Variants in TOX observed in about 807,000 individuals in gnomAD.
TOX encodes the protein thymocyte selection associated high mobility group box, also known as thymocyte selection-associated high mobility group box protein TOX.
A neutral mutation model predicts 53.7 loss-of-function variants in TOX; 11 were observed. The observed-to-expected ratio is 0.20, with a 90% confidence interval of 0.13 to 0.34. TOX has a LOEUF of 0.34. Among genes scored for constraint, TOX ranks in the 10% least tolerant of loss-of-function variants. The pLI, the probability that TOX is intolerant of heterozygous loss-of-function variation, is 1.00. For missense variants in TOX, 570 were observed against 664.6 expected (o/e 0.86, Z 1.56); for synonymous variants, 225 against 245.3 (o/e 0.92, Z 0.77).
intron 3 of TOX, among the ~76,000 whole-genome samples, chr8:58,881,697 T>C (rs1255009051): frequency 7.2e-6 from 1 of 138,312 alleles, no homozygotes; most frequent in African/African-American, 2.8e-5. Flanking sequence ...GCACTCCAGT[T>C]TGGGAGACAG....
At chr8:59,011,381 A>G (rs2129418736) in intron 1 of TOX, among the ~76,000 whole-genome samples, 1 of 152,344 alleles carries the variant, frequency 6.6e-6, no homozygotes, top group East Asian at 1.9e-4. Flanking sequence ...AAGGCTGCAG[A>G]AACCAGCATG....
At chr8:58,902,872 G>C (rs535022572) in intron 3 of TOX, among the ~76,000 whole-genome samples, 5 of 152,132 alleles carry the variant, frequency 3.3e-5, no homozygotes, top group African/African-American at 1.2e-4. Flanking sequence ...ATTCTACTCA[G>C]TATCTACTTG....
intron 1 of TOX, among the ~76,000 whole-genome samples, chr8:59,058,318 A>G (rs1674592728): frequency 6.6e-6 from 1 of 152,160 alleles, no homozygotes; most frequent in Non-Finnish European, 1.5e-5. Flanking sequence ...GGAAAGAACT[A>G]CGTATATATT....
intron 2 of TOX, among the ~76,000 whole-genome samples, chr8:58,945,229 A>G (rs2129177055): frequency 6.6e-6 from 1 of 152,326 alleles, no homozygotes; most frequent in Non-Finnish European, 1.5e-5. Flanking sequence ...CACTGTCTAA[A>G]TTTGTACAAA....
chr8:58,968,999 T>A (rs1812953356), intron 1 of TOX, among the ~76,000 whole-genome samples: 1 of 152,242 alleles, frequency 6.6e-6, no homozygotes, highest in Admixed American at 6.5e-5. Flanking sequence ...AAAAATAAAA[T>A]ACAAATAAGA....
At chr8:58,852,310 A>G (rs1308368319) in intron 3 of TOX, among the ~76,000 whole-genome samples, 1 of 152,228 alleles carries the variant, frequency 6.6e-6, no homozygotes, top group Non-Finnish European at 1.5e-5. Context: ...TCTTGTACTC[A>G]GTTTAAAGCT....
chr8:58,964,522 G>A (rs766712792), intron 1 of TOX, among the ~76,000 whole-genome samples: 1 of 152,114 alleles, frequency 6.6e-6, no homozygotes, highest in Non-Finnish European at 1.5e-5. Flanking sequence ...GCCTCCTGCT[G>A]ACCCAACAAT....
chr8:59,007,487 G>A (rs1813813883), intron 1 of TOX, among the ~76,000 whole-genome samples: 1 of 151,332 alleles, frequency 6.6e-6, no homozygotes, highest in Non-Finnish European at 1.5e-5. Context: ...CCTATTTTCA[G>A]AAAAAAAATA....
At chr8:58,956,767 C>A (rs1336389134) in intron 2 of TOX, among the ~76,000 whole-genome samples, 3 of 152,128 alleles carry the variant, frequency 2.0e-5, no homozygotes, top group Non-Finnish European at 4.4e-5. Context: ...AGGCACACAC[C>A]ACCATGCCTG....
chr8:58,984,855 T>C (rs1281979587), intron 1 of TOX, among the ~76,000 whole-genome samples: 3 of 150,356 alleles, frequency 2.0e-5, no homozygotes, highest in African/African-American at 7.3e-5. Context: ...ATTGGAACCC[T>C]GTGCATTATT....
At chr8:59,046,872 A>G (rs1803693677) in intron 1 of TOX, among the ~76,000 whole-genome samples, 1 of 151,060 alleles carries the variant, frequency 6.6e-6, no homozygotes, top group African/African-American at 2.4e-5. Flanking sequence ...AAAAAAAAAA[A>G]AAAAAAAAAA....
At chr8:59,014,328 C>A (rs1278947886) in intron 1 of TOX, among the ~76,000 whole-genome samples, 1 of 152,222 alleles carries the variant, frequency 6.6e-6, no homozygotes, top group Non-Finnish European at 1.5e-5. Flanking sequence ...TCAATGGGTT[C>A]ACATTGGACG....
chr8:59,060,558 C>T (rs1035811356), intron 1 of TOX, among the ~76,000 whole-genome samples: 1 of 152,136 alleles, frequency 6.6e-6, no homozygotes, highest in African/African-American at 2.4e-5. Flanking sequence ...ACCCAGGAGG[C>T]GGAGCTTGCG....
At chr8:58,991,470 A>G (rs540690166) in intron 1 of TOX, among the ~76,000 whole-genome samples, 2 of 152,358 alleles carry the variant, frequency 1.3e-5, no homozygotes, top group South Asian at 4.1e-4. Flanking sequence ...TTCCAGGAGG[A>G]AACTGTTACC....
chr8:59,062,018 A>T (rs1803994847), intron 1 of TOX, among the ~76,000 whole-genome samples: 1 of 152,152 alleles, frequency 6.6e-6, no homozygotes, highest in Admixed American at 6.5e-5. Flanking sequence ...ACATTCCAAG[A>T]AGAGGCTTCC....
intron 1 of TOX, among the ~76,000 whole-genome samples, chr8:59,073,886 T>C (rs1270345745): frequency 6.6e-6 from 1 of 152,184 alleles, no homozygotes. Flanking sequence ...ATGGGTCCAG[T>C]GTGACTTGCG....
chr8:58,850,336 G>C (rs1396372893), intron 4 of TOX, among the ~76,000 whole-genome samples: 1 of 152,206 alleles, frequency 6.6e-6, no homozygotes, highest in Non-Finnish European at 1.5e-5. Context: ...TTGGCCAGGA[G>C]ACAGAAAGAG....
intron 1 of TOX, among the ~76,000 whole-genome samples, chr8:59,035,917 C>G (rs1426949220): frequency 2.0e-5 from 3 of 152,194 alleles, no homozygotes; most frequent in Non-Finnish European, 4.4e-5. Context: ...TGTGACAGCA[C>G]TATGAGGTGG....
chr8:59,066,951 A>G lies in TOX; in HGVS notation c.102+51935T>C, dbSNP rs578049261. 2.0e-5 allele frequency among the ~76,000 whole-genome samples: 3 copies of G among 152,364 alleles called. No individual in the cohort carries two copies. In the East Asian group the frequency reaches 5.8e-4, roughly 29 times the overall value. On this transcript the variant is annotated intron_variant, in intron 1 of 8. Coordinates refer to ENST00000361421, the MANE Select transcript of TOX (RefSeq NM_014729.3). ...GGAACCCAGACTGGTAAACACATCA[A>G]TATTATGCAAACTGTGTTCCACAGA...
Sources: gnomAD v4.1 joint callset for allele counts (sites outside exome capture counted in the v4.1 genomes callset) on GRCh38, gnomAD v4.1.1 for gene constraint, MANE v1.5 for transcripts, NCBI Gene and HGNC (gene_info 2026-07-23, HGNC 2026-07-21) for gene names.